Variants in SYNE1 observed in about 807,000 individuals in gnomAD.
SYNE1 encodes nesprin-1.
In SYNE1, 616 loss-of-function variants were observed where a neutral mutation model predicts 1,111.0. The observed-to-expected ratio is 0.55, with a 90% CI of 0.52 to 0.59. The LOEUF (loss-of-function observed/expected upper bound fraction) is 0.59, where lower values mean the gene tolerates loss of function less well. SYNE1 is among the 20% of genes least tolerant of loss of function. The pLI, the probability that SYNE1 is intolerant of heterozygous loss-of-function variation, is 0.00. For missense variants in SYNE1, 10,006 were observed against 10,417.0 expected (o/e 0.96, Z 1.72); for synonymous variants, 3,855 against 3,825.8 (o/e 1.01, Z -0.28).
chr6:152,404,458 C>T, intron 45 of SYNE1, 144 bp from the exon 46 acceptor site: 1 of 655,594 alleles, frequency 1.5e-6, no homozygotes, highest in African/African-American at 1.8e-5. Context: ...TTTCTGAGGG[C>T]TGTTATGATG....
chr6:152,318,102 A>T lies in SYNE1; in HGVS notation c.16551T>A (p.Asn5517Lys). 6.2e-7 allele frequency: 1 copy of T among 1,614,212 alleles called. No homozygotes were observed. Among genetic ancestry groups the T allele is most frequent in the Non-Finnish European group, 8.5e-7 (1 of 1,180,034 alleles). ...ATACCTGATTGAGCTTGGAGAGCCG[A>T]TTCTCAGCTTGTCTAATGGTCTGCT... ...LHQQTIRQAENRLSKLNQAAS... is the reference protein window; with the variant it reads ...LHQQTIRQAEKRLSKLNQAAS... Residue 5517 changes from asparagine (N) to lysine (K), a missense_variant, in exon 86 of 146, where the codon AAT becomes AAA. Physicochemically the swap from Asn to Lys is moderately conservative, Grantham distance 94. Transcript: ENST00000367255.
rs549373990 is a variant in SYNE1 at position 152,281,862 on chromosome 6, G to A, written c.18326C>T (p.Ala6109Val). 5.8e-5 allele frequency: 94 copies of A among 1,614,134 alleles called. No individual in the cohort carries two copies. The South Asian group carries it at 7.8e-4, about 13-fold the overall frequency. The stretch of plus-strand genomic sequence containing the variant: ...CATGGGCTCCTTGGGTGGACTCAGC[G>A]CAGTGTCCAGAGTGGCCTTGGTACT... ...LLSTKATLDT[A>V]LSPPKEPMDM... is the part of the protein sequence containing the mutation. Residue 6109 changes from alanine to valine, a missense_variant, in exon 97 of 146, where the codon GCG becomes GTG. This residue lies in a region of SYNE1 where 99 missense variants were observed against 147.8 expected (regional missense o/e 0.67). Coordinates refer to ENST00000367255, the MANE Select transcript of SYNE1 (RefSeq NM_182961.4).
chr6:152,165,546 C>CT (rs2063480201), intron 130 of SYNE1, among the ~76,000 whole-genome samples: 1 of 151,960 alleles, frequency 6.6e-6, no homozygotes, highest in Non-Finnish European at 1.5e-5. Context: ...GGAACATTAC[C>CT]TTTTATTGTT....
chr6:152,489,527 T>A (rs2098959074), intron 11 of SYNE1, among the ~76,000 whole-genome samples: 1 of 147,116 alleles, frequency 6.8e-6, no homozygotes. Flanking sequence ...GTGTGTTAAA[T>A]CATCACGGAC....
At chr6:152,606,257 A>G (rs2099614549) in intron 3 of SYNE1, among the ~76,000 whole-genome samples, 1 of 152,102 alleles carries the variant, frequency 6.6e-6, no homozygotes, top group Admixed American at 6.6e-5. Context: ...CAAGCCGGAG[A>G]TGAAGCATAG....
chr6:152,129,246 A>T (rs2054607026), intron 145 of SYNE1: 2 of 152,258 alleles, frequency 1.3e-5, no homozygotes, highest in Admixed American at 1.3e-4. Flanking sequence ...CCAAAGAGTG[A>T]CTGCTGTTGG....
Position 152,164,207 on chromosome 6 carries a change from A to G in SYNE1, c.23746T>C (p.Ser7916Pro). The change falls in exon 131 of 146, where the codon TCC becomes CCC. Residue 7916 changes from serine (S) to proline (P), a missense_variant. Ser to Pro is a moderately conservative substitution (Grantham distance 74, BLOSUM62 -1). Around this residue, in one of 7 missense-constraint regions of SYNE1, gnomAD observed 2,182 missense variants for 2,287.8 expected, o/e 0.95. Transcript: ENST00000367255. ...SELAKPIVYD[S>P]CNSEEIQRKL... is the part of the protein sequence containing the mutation. ...CTCTGTATTTCTTCCGAGTTACAGGAATCGTAGACTATTGGCTTGGCCAGC... is the reference window on the plus strand; with the variant it reads ...CTCTGTATTTCTTCCGAGTTACAGGGATCGTAGACTATTGGCTTGGCCAGC... 6.2e-7 allele frequency: 1 copy of G among 1,614,200 alleles called. No individual in the cohort carries two copies. The highest frequency in any genetic ancestry group is 8.5e-7 in the Non-Finnish European group (1 of 1,180,042).
rs201522015 is a variant in SYNE1, at chr6:152,413,496, T to G, written c.6086A>C (p.Asn2029Thr). 3.7e-6 allele frequency: 6 copies of G among 1,614,076 alleles called. No homozygotes were observed. The highest frequency in any genetic ancestry group is 1.3e-5 in the African/African-American group (1 of 74,946). Residue 2029 changes from asparagine (N) to threonine (T), a missense_variant, in exon 42 of 146, where the codon AAT (asparagine) becomes ACT (threonine). Asn to Thr is a moderately conservative substitution (Grantham distance 65). Around this residue, in one of 7 missense-constraint regions of SYNE1, gnomAD observed 4,955 missense variants for 5,017.2 expected, o/e 0.99. Coordinates refer to ENST00000367255, the MANE Select transcript of SYNE1 (RefSeq NM_182961.4). ...RVFNQLEDEL[N>T]SHEHELCWLK... ...CCAACATAGTTCATGCTCGTGAGAA[T>G]TCAATTCATCTTCTAGCTGATTAAA...
intron 54 of SYNE1, among the ~76,000 whole-genome samples, chr6:152,386,554 A>C (rs1209070020): frequency 1.3e-5 from 2 of 152,216 alleles, no homozygotes; most frequent in Non-Finnish European, 2.9e-5. Context: ...TATGCCAAAG[A>C]ATAATCATGA....
chr6:152,219,694 G>A (rs959839333), intron 119 of SYNE1, among the ~76,000 whole-genome samples: 1 of 152,176 alleles, frequency 6.6e-6, no homozygotes, highest in Admixed American at 6.5e-5. Flanking sequence ...TGCAAGTACA[G>A]CAACCTCCTA....
intron 38 of SYNE1, among the ~76,000 whole-genome samples, chr6:152,426,477 C>G (rs2098357424): frequency 6.6e-6 from 1 of 152,254 alleles, no homozygotes; most frequent in African/African-American, 2.4e-5. Flanking sequence ...GGCTGCCTTA[C>G]TGACGCAATG....
At chr6:152,214,822 T>C (rs1563573338) in intron 122 of SYNE1, 84 bp downstream of exon 122, 1 of 1,540,020 alleles carries the variant, frequency 6.5e-7, no homozygotes, top group Non-Finnish European at 9.0e-7. Context: ...CTTTATAAAT[T>C]ATGCATTCTG....
intron 127 of SYNE1, among the ~76,000 whole-genome samples, chr6:152,199,700 A>G (rs1014142780): frequency 2.0e-5 from 3 of 152,162 alleles, no homozygotes; most frequent in Non-Finnish European, 4.4e-5. Flanking sequence ...TTTACACGGT[A>G]GAAAGGTTTC....
chr6:152,460,445 T>C (rs1429813486), intron 21 of SYNE1, among the ~76,000 whole-genome samples: 1 of 152,336 alleles, frequency 6.6e-6, no homozygotes, highest in East Asian at 1.9e-4. Context: ...GCATTCTTTT[T>C]CATTAATTCC....
At position 152,362,103 on chromosome 6, in the gene SYNE1, T is replaced by C; in HGVS notation, c.10299+67A>G. 3.1e-6 allele frequency: 5 copies of C among 1,612,184 alleles called. No homozygotes were observed. In the South Asian group the frequency reaches 3.3e-5, roughly 11 times the overall value. On this transcript the variant is annotated intron_variant, in intron 64 of 145. Transcript: ENST00000367255. The stretch of plus-strand genomic sequence containing the variant: ...CCCTAGGGTACACGTAATCCCATTT[T>C]TGTCTGACTGTGGCATTCTAAAGAA...
At chr6:152,402,147 G>C (rs2097830000) in intron 46 of SYNE1, among the ~76,000 whole-genome samples, 1 of 152,142 alleles carries the variant, frequency 6.6e-6, no homozygotes, top group African/African-American at 2.4e-5. Context: ...GAGGCATTCT[G>C]ACTCACTGGA....
intron 81 of SYNE1, among the ~76,000 whole-genome samples, chr6:152,324,791 A>G (rs934788116): frequency 6.6e-6 from 1 of 151,980 alleles, no homozygotes; most frequent in African/African-American, 2.4e-5. Context: ...ACAGAGGGAG[A>G]CTCCGTCAAA....
rs764410604 is a variant in SYNE1 at position 152,331,312 on chromosome 6, A to T, written c.13373T>A (p.Phe4458Tyr). 6.2e-7 allele frequency: 1 copy of T among 1,614,134 alleles called. No individual in the cohort carries two copies. Among genetic ancestry groups the T allele is most frequent in the South Asian group, 1.1e-5 (1 of 91,076 alleles). ...GGTGGCCTGGAACACTGCCATGAGA[A>T]ACTGGGTTTTCTCGGACAAGGCTTT... ...LNKALSEKTQ[F>Y]LMAVFQATSQ... The change falls in exon 78 of 146, where the codon TTT becomes TAT. Residue 4458 changes from phenylalanine (F) to tyrosine (Y), a missense_variant. Physicochemically the swap from Phe to Tyr is conservative, Grantham distance 22. This residue lies in a region of SYNE1 where 4,955 missense variants were observed against 5,017.2 expected (regional missense o/e 0.99). Transcript: ENST00000367255.
intron 95 of SYNE1, among the ~76,000 whole-genome samples, chr6:152,290,120 T>C (rs1447168548): frequency 6.6e-6 from 1 of 152,184 alleles, no homozygotes; most frequent in Non-Finnish European, 1.5e-5. Flanking sequence ...CTCTGTGCGC[T>C]ATATATCACT....
Sources: allele counts gnomAD v4.1 joint callset (sites outside exome capture counted in the v4.1 genomes callset), GRCh38; gene constraint gnomAD v4.1.1; regional missense constraint gnomAD v4.1.1; transcripts MANE v1.5; gene names NCBI Gene and HGNC (gene_info 2026-07-23, HGNC 2026-07-21).